The following CELF2 variants were observed in gnomAD, a reference collection of about 807,000 sequenced individuals.
CELF2 encodes the protein CUGBP Elav-like family member 2, also known as CUG triplet repeat RNA-binding protein 2.
Under a neutral mutation model 62.6 loss-of-function variants are expected in CELF2, and 8 were observed. That is an observed-to-expected ratio of 0.13 (90% CI 0.07 to 0.23). The LOEUF is 0.23. Ranked by LOEUF, CELF2 falls within the 10% of genes least tolerant of loss-of-function variation. The pLI, the probability that CELF2 is intolerant of heterozygous loss-of-function variation, is 1.00. For missense variants in CELF2, 333 were observed against 671.0 expected, an observed-to-expected ratio of 0.50 and a Z score of 5.56; for synonymous variants, 258 against 250.0, an observed-to-expected ratio of 1.03 and a Z score of -0.30.
chr10:10,698,518 A>G, the CELF2 span, among the ~76,000 whole-genome samples: 1 of 152,228 alleles, frequency 6.6e-6, no homozygotes, highest in Non-Finnish European at 1.5e-5. Flanking sequence ...ACAAAATTAC[A>G]TATCCATTTG....
chr10:11,052,170 A>G (rs539105414), intron 1 of CELF2, among the ~76,000 whole-genome samples: 1 of 152,140 alleles, frequency 6.6e-6, no homozygotes, highest in African/African-American at 2.4e-5. Context: ...TCCTGGGCTC[A>G]AGCAATCTGC....
chr10:11,149,612 G>C (rs555546684), intron 1 of CELF2, among the ~76,000 whole-genome samples: 1 of 152,156 alleles, frequency 6.6e-6, no homozygotes, highest in South Asian at 2.1e-4. Context: ...GACACATTTC[G>C]TGTTCCTCTT....
At chr10:10,849,135 G>A (rs1281416533) in intron 1 of CELF2, among the ~76,000 whole-genome samples, 2 of 151,724 alleles carry the variant, frequency 1.3e-5, no homozygotes, top group Non-Finnish European at 2.9e-5. Context: ...GGTGGCTCAC[G>A]TCTGTAATTC....
chr10:11,019,584 C>T (rs1201653163), intron 1 of CELF2, among the ~76,000 whole-genome samples: 2 of 148,760 alleles, frequency 1.3e-5, no homozygotes, highest in African/African-American at 5.1e-5. Flanking sequence ...CTGCAAGGAC[C>T]TCCCCACCAA....
the CELF2 span, among the ~76,000 whole-genome samples, chr10:10,481,480 C>A: frequency 3.3e-5 from 5 of 152,266 alleles, no homozygotes; most frequent in South Asian, 4.1e-4. Flanking sequence ...GAAGAAAGTT[C>A]TCTCAACTCC....
chr10:10,525,232 A>T, the CELF2 span, among the ~76,000 whole-genome samples: 1 of 152,192 alleles, frequency 6.6e-6, no homozygotes, highest in Non-Finnish European at 1.5e-5. Context: ...TCCACAGTTC[A>T]TTCTTCCTGC....
At position 10,942,093 on chromosome 10, in the gene CELF2, A is replaced by C. The variant is rs138977973; in HGVS notation, c.89+22094A>C. Among the ~76,000 whole-genome samples, 1,083 of 151,650 alleles carry C rather than the reference A, an allele frequency of 7.1e-3. 15 individuals are homozygous for C. The highest frequency in any genetic ancestry group is 0.025 in the African/African-American group (1,035 of 41,336). On this transcript the variant is annotated intron_variant, in intron 2 of 13. Coordinates refer to the CELF2 transcript ENST00000636488. The stretch of plus-strand genomic sequence containing the variant: ...TTTGACAACATAGTTTTCTGTCTTC[A>C]TTTTGATTTGGGCCTCAGGAAAAAA...
In CELF2 at chr10:11,318,478, C is replaced by T. The variant is rs2095212427; in HGVS notation, c.1097-2711C>T. On this transcript the variant is annotated intron_variant, in intron 10 of 12. Coordinates refer to ENST00000633077, the MANE Select transcript of CELF2 (RefSeq NM_001326342.2). This position sits in a 1 kb window ranked among gnomAD's most constrained non-coding sequence, Gnocchi z 5.4. The stretch of plus-strand genomic sequence containing the variant: ...TGGCCACAGCTGTCTCCTACATGCA[C>T]AGCACCAGCAGAAGTAAACACGACC... 8.8e-6 allele frequency: 3 copies of T among 340,538 alleles called. No homozygotes were observed. The highest frequency in any genetic ancestry group is 4.2e-5 in the Admixed American group (1 of 23,742). The allele number at this position is 340,538 out of a possible 1,614,324, so 21.1% of individuals were successfully genotyped here. A position where few individuals can be genotyped will look rare whatever the true frequency, so the allele number is the denominator to read the frequency against.
At chr10:10,498,338 A>G in the CELF2 span, among the ~76,000 whole-genome samples, 1 of 152,222 alleles carries the variant, frequency 6.6e-6, no homozygotes, top group Non-Finnish European at 1.5e-5. Context: ...ATACTGGAGG[A>G]GGAAAGTTGT....
At chr10:11,091,793 G>A (rs1168984912) in intron 1 of CELF2, among the ~76,000 whole-genome samples, 1 of 152,170 alleles carries the variant, frequency 6.6e-6, no homozygotes, top group African/African-American at 2.4e-5. Flanking sequence ...ACTTACCACT[G>A]TCAAAATCTT....
At chr10:10,565,755 G>A in the CELF2 span, among the ~76,000 whole-genome samples, 1 of 152,174 alleles carries the variant, frequency 6.6e-6, no homozygotes, top group Non-Finnish European at 1.5e-5. Context: ...ACTTCAGCCT[G>A]AGAGCCTATT....
the CELF2 span, among the ~76,000 whole-genome samples, chr10:10,630,440 G>C: frequency 6.6e-6 from 1 of 152,192 alleles, no homozygotes; most frequent in East Asian, 1.9e-4. Context: ...GAGACCACTG[G>C]GATCTCTATC....
chr10:10,805,576 A>C (rs541107840), intron 1 of CELF2, among the ~76,000 whole-genome samples: 4 of 152,240 alleles, frequency 2.6e-5, no homozygotes, highest in Admixed American at 2.6e-4. Flanking sequence ...GGATCACCCT[A>C]GGGATGTGGC....
intron 2 of CELF2, among the ~76,000 whole-genome samples, chr10:10,945,762 G>A (rs1377030702): frequency 6.6e-6 from 1 of 152,160 alleles, no homozygotes; most frequent in Non-Finnish European, 1.5e-5. Flanking sequence ...AATGTCCTGG[G>A]GGAGTCAACA....
chr10:10,900,983 G>C (rs2062898119), intron 1 of CELF2, among the ~76,000 whole-genome samples: 1 of 152,108 alleles, frequency 6.6e-6, no homozygotes, highest in Admixed American at 6.5e-5. Flanking sequence ...TGACAAAAGA[G>C]GTGAAAATCT....
the CELF2 span, among the ~76,000 whole-genome samples, chr10:10,494,762 G>T: frequency 1.3e-5 from 2 of 151,962 alleles, no homozygotes; most frequent in Admixed American, 6.6e-5. Flanking sequence ...ACTATCAAAG[G>T]CCTCTATAAA....
the CELF2 span, among the ~76,000 whole-genome samples, chr10:10,762,867 C>G: frequency 6.6e-6 from 1 of 152,166 alleles, no homozygotes; most frequent in Non-Finnish European, 1.5e-5. Context: ...CATAGCAAGA[C>G]CCTGTCTCTA....
the CELF2 span, among the ~76,000 whole-genome samples, chr10:10,767,602 T>A: frequency 6.6e-6 from 1 of 152,162 alleles, no homozygotes; most frequent in Non-Finnish European, 1.5e-5. Context: ...ATGCTTGGTA[T>A]GCAGTGGGGT....
chr10:10,741,675 C>T, the CELF2 span, among the ~76,000 whole-genome samples: 1 of 152,020 alleles, frequency 6.6e-6, no homozygotes, highest in South Asian at 2.1e-4. Context: ...AATCAGTGTT[C>T]AACAGGCCAG....
Sources: allele counts gnomAD v4.1 joint callset (sites outside exome capture counted in the v4.1 genomes callset), GRCh38; gene constraint gnomAD v4.1.1; non-coding constraint Gnocchi (gnomAD v3.1); transcripts MANE v1.5; gene names NCBI Gene and HGNC (gene_info 2026-07-23, HGNC 2026-07-21).